Variants in ZNG1A observed in about 807,000 individuals in gnomAD.
ZNG1A encodes zinc-regulated GTPase metalloprotein activator 1A.
the ZNG1A span, chr9:154,920 ATCAGT>A: frequency 2.1e-5 from 20 of 973,076 alleles, no homozygotes; most frequent in African/African-American, 6.6e-5. Context: ...AGATCAATAT[ATCAGT>A]TAAGAATTAT....
the ZNG1A span, chr9:167,049 A>G: frequency 6.6e-6 from 1 of 152,020 alleles, no homozygotes; most frequent in Non-Finnish European, 1.5e-5. Context: ...TACCTTGTTT[A>G]TATTACTGAA....
At chr9:147,393 A>G in the ZNG1A span, 1 of 86,210 alleles carries the variant, frequency 1.2e-5, no homozygotes. Flanking sequence ...TATAAGAAAA[A>G]CATCTCCTTT....
chr9:169,854 C>CTTT, the ZNG1A span, among the ~76,000 whole-genome samples: 4,396 of 53,756 alleles, frequency 0.082, 13 homozygotes, highest in East Asian at 0.15. Context: ...ATAAACACAG[C>CTTT]TTTTTTTTTT....
chr9:162,160 TTA>T, the ZNG1A span, among the ~76,000 whole-genome samples: 28 of 149,052 alleles, frequency 1.9e-4, 2 homozygotes, highest in African/African-American at 6.8e-4. Flanking sequence ...TTGTGAAGAG[TTA>T]TACATACCAA....
At chr9:166,418 TC>T in the ZNG1A span, 3 of 151,330 alleles carry the variant, frequency 2.0e-5, no homozygotes, top group African/African-American at 7.3e-5. Flanking sequence ...ATAGAAGTTC[TC>T]CCACATCAAG....
At chr9:167,643 A>G in the ZNG1A span, 1 of 150,222 alleles carries the variant, frequency 6.7e-6, no homozygotes, top group Non-Finnish European at 1.5e-5. Context: ...ATAGAACTAA[A>G]AGAATTATGA....
the ZNG1A span, chr9:149,336 G>T: frequency 1.3e-5 from 2 of 150,422 alleles, no homozygotes; most frequent in Non-Finnish European, 2.9e-5. Flanking sequence ...CACTTTTTCT[G>T]TGCTACATAA....
the ZNG1A span, among the ~76,000 whole-genome samples, chr9:173,686 G>T: frequency 2.0e-5 from 3 of 151,864 alleles, no homozygotes; most frequent in Non-Finnish European, 2.9e-5. Context: ...CTTGTCCAGG[G>T]TAAACTTTCT....
At chr9:145,826 AAG>A in the ZNG1A span, among the ~76,000 whole-genome samples, 1 of 152,090 alleles carries the variant, frequency 6.6e-6, no homozygotes, top group African/African-American at 2.4e-5. Context: ...TTCTCATAGA[AAG>A]AGTATTAGAC....
At chr9:171,948 C>A in the ZNG1A span, 3 of 1,415,890 alleles carry the variant, frequency 2.1e-6, no homozygotes, top group East Asian at 2.3e-5. Flanking sequence ...TACTTTTCCT[C>A]TTTTAAACCA....
the ZNG1A span, among the ~76,000 whole-genome samples, chr9:158,115 T>C: frequency 6.8e-6 from 1 of 146,892 alleles, no homozygotes; most frequent in Non-Finnish European, 1.5e-5. Flanking sequence ...TCATAATTCA[T>C]CTTGGCCTGA....
chr9:176,255 G>C, the ZNG1A span, among the ~76,000 whole-genome samples: 1 of 138,660 alleles, frequency 7.2e-6, no homozygotes, highest in Non-Finnish European at 1.5e-5. Flanking sequence ...TATCCAGCAG[G>C]TGGCATATAA....
the ZNG1A span, chr9:150,623 G>T: frequency 1.0e-6 from 1 of 982,676 alleles, no homozygotes; most frequent in African/African-American, 1.8e-5. Flanking sequence ...ATTCTCAGAT[G>T]CACTGGCAAG....
At chr9:157,208 A>G in the ZNG1A span, among the ~76,000 whole-genome samples, 1 of 142,370 alleles carries the variant, frequency 7.0e-6, no homozygotes, top group Non-Finnish European at 1.5e-5. Context: ...GAGTCAGGCT[A>G]ACTCCAAAAA....
the ZNG1A span, among the ~76,000 whole-genome samples, chr9:137,143 CT>C: frequency 7.0e-6 from 1 of 141,912 alleles, no homozygotes; most frequent in Non-Finnish European, 1.5e-5. Flanking sequence ...GGGCAGATCA[CT>C]TAAGCCCAGG....
the ZNG1A span, among the ~76,000 whole-genome samples, chr9:137,471 C>A: frequency 5.3e-5 from 8 of 151,754 alleles, no homozygotes. Context: ...ATCAAAACTG[C>A]CCACAGCATC....
the ZNG1A span, among the ~76,000 whole-genome samples, chr9:126,892 T>A: frequency 6.6e-6 from 1 of 152,096 alleles, no homozygotes; most frequent in Non-Finnish European, 1.5e-5. Flanking sequence ...GTCACTCTTG[T>A]CGTTCAGTTT....
the ZNG1A span, among the ~76,000 whole-genome samples, chr9:170,187 C>A: frequency 1.0e-4 from 15 of 149,028 alleles, no homozygotes; most frequent in Admixed American, 7.4e-4. Flanking sequence ...CTTGCTTGAC[C>A]CCCTCCCTTA....
the ZNG1A span, among the ~76,000 whole-genome samples, chr9:144,705 TTAAAC>T: frequency 6.6e-6 from 1 of 151,756 alleles, no homozygotes; most frequent in African/African-American, 2.4e-5. Context: ...TGGGATCTAA[TTAAAC>T]TAAACAGCTT....
Sources: allele counts gnomAD v4.1 joint callset (sites outside exome capture counted in the v4.1 genomes callset), GRCh38; gene constraint gnomAD v4.1.1; transcripts MANE v1.5; gene names NCBI Gene and HGNC (gene_info 2026-07-23, HGNC 2026-07-21).